RERE: variants seen among roughly 807,000 people sequenced by gnomAD.
The protein encoded by RERE is arginine-glutamic acid dipeptide repeats protein.
RERE carries 40 observed loss-of-function variants against 146.1 expected under a neutral mutation model. That is an observed-to-expected ratio of 0.27 (90% confidence interval 0.21 to 0.36). RERE has a LOEUF of 0.36. Among genes scored for constraint, RERE ranks in the 10% least tolerant of loss-of-function variants. The pLI is 1.00. For missense variants in RERE, 1,933 were observed against 2,138.7 expected, an observed-to-expected ratio of 0.90 and a Z score of 1.90; for synonymous variants, 1,003 against 866.0, an observed-to-expected ratio of 1.16 and a Z score of -2.78.
chr1:8,663,073 T>TA (rs1013601973), intron 1 of RERE, among the ~76,000 whole-genome samples: 26 of 152,210 alleles, frequency 1.7e-4, no homozygotes, highest in African/African-American at 6.3e-4. Flanking sequence ...AAAACACCCC[T>TA]ATCCTCAAGA....
intron 12 of RERE, among the ~76,000 whole-genome samples, chr1:8,399,201 AAC>A (rs1425006726): frequency 1.3e-5 from 2 of 151,856 alleles, no homozygotes; most frequent in Non-Finnish European, 2.9e-5. Flanking sequence ...TTTCCTATAA[AAC>A]ACAGACTTTT....
intron 4 of RERE, 91 bp from the exon 5 acceptor site, chr1:8,557,614 G>A: frequency 1.3e-6 from 1 of 785,692 alleles, no homozygotes; most frequent in Non-Finnish European, 2.2e-6. Context: ...CTGTAAACGG[G>A]TGGACACGTA....
intron 1 of RERE, among the ~76,000 whole-genome samples, chr1:8,734,423 C>A (rs150308138): frequency 2.0e-5 from 3 of 152,238 alleles, no homozygotes; most frequent in African/African-American, 7.2e-5. Context: ...CACTTTATTG[C>A]TTAAAATCCT....
intron 1 of RERE, among the ~76,000 whole-genome samples, chr1:8,789,748 C>A (rs957865784): frequency 3.9e-5 from 6 of 152,140 alleles, no homozygotes; most frequent in African/African-American, 1.4e-4. Flanking sequence ...CTGAACGCTG[C>A]GCATACCATA....
At chr1:8,769,006 A>G (rs1226174694) in intron 1 of RERE, among the ~76,000 whole-genome samples, 1 of 152,198 alleles carries the variant, frequency 6.6e-6, no homozygotes, top group Non-Finnish European at 1.5e-5. Flanking sequence ...TTACAAATAA[A>G]TTTTATAGGA....
intron 12 of RERE, among the ~76,000 whole-genome samples, chr1:8,388,258 G>A (rs1054922719): frequency 2.6e-5 from 4 of 152,038 alleles, no homozygotes; most frequent in Non-Finnish European, 4.4e-5. Context: ...CCAGTCTAGT[G>A]GTTATCTTTG....
In RERE at chr1:8,426,258, T is replaced by C. The variant is rs1387195811; in HGVS notation, c.1204-3451A>G. 2.0e-5 allele frequency among the ~76,000 whole-genome samples: 3 copies of C among 152,084 alleles called. No homozygotes were observed. The East Asian group carries it at 5.8e-4, about 30-fold the overall frequency. On this transcript the variant is annotated intron_variant, in intron 11 of 22. Transcript: ENST00000400908. ...CCACAAGGCCAGGAGATCGAGACCATCCTGGCTAACACAGTGAAACCCCGT... is the reference window on the plus strand; with the variant it reads ...CCACAAGGCCAGGAGATCGAGACCACCCTGGCTAACACAGTGAAACCCCGT...
intron 1 of RERE, among the ~76,000 whole-genome samples, chr1:8,769,525 G>A (rs1016310155): frequency 1.3e-5 from 2 of 152,092 alleles, no homozygotes; most frequent in Non-Finnish European, 2.9e-5. Flanking sequence ...GCTCACCCAG[G>A]GTGAGGTGCA....
At chr1:8,374,035 G>A (rs1642143385) in intron 12 of RERE, among the ~76,000 whole-genome samples, 1 of 152,258 alleles carries the variant, frequency 6.6e-6, no homozygotes, top group Non-Finnish European at 1.5e-5. Flanking sequence ...TGGTCTCTGA[G>A]TGCAGCAGGG....
intron 1 of RERE, among the ~76,000 whole-genome samples, chr1:8,713,084 A>G (rs1639699474): frequency 2.0e-5 from 3 of 152,240 alleles, no homozygotes; most frequent in African/African-American, 7.2e-5. Flanking sequence ...TGAATCATAA[A>G]TCTTACAAGA....
rs984930145 is a variant in RERE at position 8,392,400 on chromosome 1, A to G, written c.1285-26426T>C. On this transcript the variant is annotated intron_variant, in intron 12 of 22. Transcript: ENST00000400908. The stretch of plus-strand genomic sequence containing the variant: ...TATTTTTACCTAACCTGGAAAATGA[A>G]TATCTCTATCTATATATCTCTCTGT... Among the ~76,000 whole-genome samples the G allele has an allele frequency of 2.6e-5, 4 of 152,382 alleles. No homozygotes were observed. The East Asian group carries it at 7.7e-4, about 29-fold the overall frequency.
intron 1 of RERE, among the ~76,000 whole-genome samples, chr1:8,718,957 A>G (rs999517386): frequency 6.6e-6 from 1 of 152,188 alleles, no homozygotes; most frequent in African/African-American, 2.4e-5. Flanking sequence ...TCATCGACTT[A>G]TTGTAAAAAC....
intron 12 of RERE, among the ~76,000 whole-genome samples, chr1:8,395,040 G>C (rs570733212): frequency 6.6e-6 from 1 of 152,314 alleles, no homozygotes; most frequent in Non-Finnish European, 1.5e-5. Flanking sequence ...ACAGCCCAAA[G>C]GCATTCCATG....
intron 13 of RERE, 149 bp downstream of exon 13, chr1:8,365,663 T>G: frequency 2.6e-6 from 2 of 763,380 alleles, no homozygotes; most frequent in South Asian, 1.9e-5. Flanking sequence ...TCGGTCTATG[T>G]TTAGGTCAGG....
chr1:8,550,552 T>G (rs779960641), intron 6 of RERE, among the ~76,000 whole-genome samples: 43 of 152,154 alleles, frequency 2.8e-4, no homozygotes, highest in South Asian at 8.3e-4. Context: ...TGTTGTTGTT[T>G]TTTGTTTTTT....
At position 8,525,801 on chromosome 1, in the gene RERE, G is replaced by A. The variant is rs752894913; in HGVS notation, c.830+15413C>T. On this transcript the variant is annotated intron_variant, in intron 7 of 22. Coordinates refer to ENST00000400908, the MANE Select transcript of RERE (RefSeq NM_001042681.2). The stretch of plus-strand genomic sequence containing the variant: ...ATCATCCATGACTAACACGGGCTCT[G>A]GTGAGTCTAGCTGGATTCCTGAACC... 8.8e-6 allele frequency: 14 copies of A among 1,593,620 alleles called. 1 individual carries two copies. Among genetic ancestry groups the A allele is most frequent in the Middle Eastern group, 3.3e-4 (2 of 6,020 alleles).
chr1:8,438,361 G>A (rs565846750), intron 11 of RERE, among the ~76,000 whole-genome samples: 26 of 152,326 alleles, frequency 1.7e-4, no homozygotes, highest in African/African-American at 6.3e-4. Flanking sequence ...TACATACGAA[G>A]AGGGAGACCT....
chr1:8,799,757 T>A (rs184741605), intron 1 of RERE, among the ~76,000 whole-genome samples: 83 of 152,188 alleles, frequency 5.5e-4, no homozygotes, highest in Non-Finnish European at 1.1e-3. Flanking sequence ...TGATTTTTTT[T>A]TTTTATTTTT....
At chr1:8,380,361 C>G (rs1228056573) in intron 12 of RERE, among the ~76,000 whole-genome samples, 1 of 142,830 alleles carries the variant, frequency 7.0e-6, no homozygotes, top group Admixed American at 7.0e-5. Context: ...TTTTTTTAAA[C>G]GAAACAAAAC....
Sources: allele counts gnomAD v4.1 joint callset (sites outside exome capture counted in the v4.1 genomes callset), GRCh38; gene constraint gnomAD v4.1.1; transcripts MANE v1.5; gene names NCBI Gene and HGNC (gene_info 2026-07-23, HGNC 2026-07-21).